BRINP3: variants seen among roughly 807,000 people sequenced by gnomAD.
The protein encoded by BRINP3 is BMP/retinoic acid-inducible neural-specific protein 3.
In BRINP3, 19 loss-of-function variants were observed where a neutral mutation model predicts 71.0. The observed-to-expected ratio is 0.27, with a 90% CI of 0.19 to 0.39. The LOEUF (loss-of-function observed/expected upper bound fraction) is 0.39, where lower values mean the gene tolerates loss of function less well. Ranked by LOEUF, BRINP3 falls within the 10% of genes least tolerant of loss-of-function variation. The pLI is 1.00. For missense variants in BRINP3, 959 were observed against 940.8 expected (o/e 1.02, Z -0.25); for synonymous variants, 380 against 337.7 (o/e 1.13, Z -1.37).
chr1:190,412,777 A>AT (rs1398551702), intron 2 of BRINP3, among the ~76,000 whole-genome samples: 1 of 152,066 alleles, frequency 6.6e-6, no homozygotes, highest in Non-Finnish European at 1.5e-5. Context: ...ACTAGTATGC[A>AT]TTTTTTAAAC....
At chr1:190,134,359 A>G (rs1356651303) in intron 7 of BRINP3, among the ~76,000 whole-genome samples, 1 of 152,076 alleles carries the variant, frequency 6.6e-6, no homozygotes, top group Non-Finnish European at 1.5e-5. Flanking sequence ...GAGTTCATTG[A>G]GAGTGACAAA....
chr1:190,160,268 T>A (rs1657234003), intron 7 of BRINP3, among the ~76,000 whole-genome samples: 1 of 152,064 alleles, frequency 6.6e-6, no homozygotes, highest in African/African-American at 2.4e-5. Flanking sequence ...AGAAAATACA[T>A]CTTGAATTAT....
At chr1:190,306,636 A>G (rs1665119317) in intron 2 of BRINP3, among the ~76,000 whole-genome samples, 1 of 151,820 alleles carries the variant, frequency 6.6e-6, no homozygotes, top group Admixed American at 6.6e-5. Flanking sequence ...ACATATCAAC[A>G]TTCTCTGTAG....
chr1:190,434,180 C>G (rs1674296946), intron 2 of BRINP3, among the ~76,000 whole-genome samples: 1 of 151,700 alleles, frequency 6.6e-6, no homozygotes, highest in African/African-American at 2.4e-5. Flanking sequence ...GTGCAGTGGC[C>G]AGATCTCGAC....
intron 2 of BRINP3, among the ~76,000 whole-genome samples, chr1:190,409,689 C>T (rs1487186147): frequency 6.6e-6 from 1 of 152,066 alleles, no homozygotes; most frequent in Non-Finnish European, 1.5e-5. Flanking sequence ...GTCATTTGTG[C>T]AATACATATT....
At chr1:190,348,513 T>A (rs968073939) in intron 2 of BRINP3, among the ~76,000 whole-genome samples, 51 of 152,166 alleles carry the variant, frequency 3.4e-4, no homozygotes, top group African/African-American at 1.2e-3. Context: ...TGTCTGTGCT[T>A]ATATGTCTAA....
At chr1:190,447,449 TTCC>T (rs1306147701) in intron 2 of BRINP3, among the ~76,000 whole-genome samples, 3 of 147,310 alleles carry the variant, frequency 2.0e-5, no homozygotes, top group Non-Finnish European at 4.5e-5. Context: ...TCCAATCTCT[TTCC>T]CTTTTCTAGT....
intron 4 of BRINP3, among the ~76,000 whole-genome samples, chr1:190,254,050 C>T (rs181236934): frequency 6.6e-6 from 1 of 152,176 alleles, no homozygotes; most frequent in East Asian, 1.9e-4. Flanking sequence ...TTGTTTTTGT[C>T]AGGTTTGTCA....
intron 7 of BRINP3, among the ~76,000 whole-genome samples, chr1:190,127,890 T>C (rs1031245562): frequency 2.0e-5 from 3 of 151,818 alleles, no homozygotes; most frequent in Non-Finnish European, 2.9e-5. Flanking sequence ...TTGTATGTTA[T>C]AGCAGTGTAA....
At chr1:190,449,776 T>C (rs962436429) in intron 2 of BRINP3, among the ~76,000 whole-genome samples, 5 of 152,114 alleles carry the variant, frequency 3.3e-5, no homozygotes, top group Non-Finnish European at 7.4e-5. Context: ...GAATTTACTC[T>C]GACATTCATT....
In BRINP3 at chr1:190,455,336, G is replaced by T. The variant is rs547956882; in HGVS notation, c.-50-396C>A. 3.4e-3 allele frequency among the ~76,000 whole-genome samples: 522 copies of T among 152,070 alleles called. 3 individuals carry two copies. Among genetic ancestry groups the T allele is most frequent in the African/African-American group, 0.012 (484 of 41,508 alleles). ...TTTTAATACTAGATTTAATTTTATT[G>T]TATATTTATCTTAAATAAATGCTTT... On this transcript the variant is annotated intron_variant, in intron 1 of 7. Transcript: ENST00000367462.
intron 2 of BRINP3, among the ~76,000 whole-genome samples, chr1:190,309,765 T>C (rs1301606912): frequency 1.3e-5 from 2 of 151,802 alleles, no homozygotes; most frequent in Non-Finnish European, 2.9e-5. Flanking sequence ...AATCCCATTT[T>C]ACTTAGGAAA....
chr1:190,317,188 A>C (rs1160505343), intron 2 of BRINP3, among the ~76,000 whole-genome samples: 1 of 151,628 alleles, frequency 6.6e-6, no homozygotes, highest in Non-Finnish European at 1.5e-5. Context: ...AAAAAAAAAA[A>C]AAAAGTCTCT....
intron 6 of BRINP3, among the ~76,000 whole-genome samples, chr1:190,164,878 C>T (rs933520378): frequency 1.3e-5 from 2 of 151,924 alleles, no homozygotes; most frequent in African/African-American, 4.8e-5. Context: ...TGGCTTCAGA[C>T]ATTTAAATAA....
intron 6 of BRINP3, among the ~76,000 whole-genome samples, chr1:190,164,123 C>G (rs1571882759): frequency 6.6e-6 from 1 of 152,014 alleles, no homozygotes; most frequent in Admixed American, 6.6e-5. Context: ...GATACATACC[C>G]CCGATTGGAA....
chr1:190,228,161 C>T (rs920643348), intron 5 of BRINP3, among the ~76,000 whole-genome samples: 4 of 151,484 alleles, frequency 2.6e-5, no homozygotes, highest in African/African-American at 9.7e-5. Context: ...TTTTCTTAAT[C>T]GTCTAGTCCT....
At chr1:190,409,921 A>T (rs1181317399) in intron 2 of BRINP3, among the ~76,000 whole-genome samples, 1 of 152,212 alleles carries the variant, frequency 6.6e-6, no homozygotes, top group Non-Finnish European at 1.5e-5. Context: ...CTAAGGCATG[A>T]TGAGCAAGGT....
At chr1:190,289,650 G>C (rs974971055) in intron 2 of BRINP3, among the ~76,000 whole-genome samples, 2 of 151,978 alleles carry the variant, frequency 1.3e-5, no homozygotes, top group Middle Eastern at 3.4e-3. Context: ...GTCTTGTATG[G>C]ATTACAAATT....
intron 2 of BRINP3, among the ~76,000 whole-genome samples, chr1:190,451,373 A>G (rs772002282): frequency 2.0e-5 from 3 of 152,196 alleles, no homozygotes; most frequent in Non-Finnish European, 4.4e-5. Context: ...ATGTATTAAA[A>G]GAATAAAGAT....
Sources: allele counts gnomAD v4.1 joint callset (sites outside exome capture counted in the v4.1 genomes callset), GRCh38; gene constraint gnomAD v4.1.1; transcripts MANE v1.5; gene names NCBI Gene and HGNC (gene_info 2026-07-23, HGNC 2026-07-21).